Variants in ZC3H12D observed in about 807,000 individuals in gnomAD.
ZC3H12D encodes the protein zinc finger CCCH-type containing 12D.
A neutral mutation model predicts 24.2 loss-of-function variants in ZC3H12D; 11 were observed. The observed-to-expected ratio is 0.46, with a 90% CI of 0.29 to 0.75. The LOEUF is 0.75. Among genes scored for constraint, ZC3H12D ranks in the 30% least tolerant of loss-of-function variants. The probability of loss-of-function intolerance (pLI) is 0.11; values close to 1 mark genes in which losing one functional copy is unlikely to be tolerated. For missense variants in ZC3H12D, 740 were observed against 767.7 expected (o/e 0.96, Z 0.43); for synonymous variants, 333 against 341.8 (o/e 0.97, Z 0.28).
In ZC3H12D at chr6:149,450,692, GC is replaced by G; in HGVS notation, c.1574del (p.Gly525AlafsTer32). On this transcript the variant is annotated frameshift_variant, in exon 6 of 6. Coordinates refer to ENST00000409806, the MANE Select transcript of ZC3H12D (RefSeq NM_207360.3). LOFTEE classifies it high-confidence loss of function. ...AGTGCGTGTTGGTCCCTTAGGGCTT[GC>G]CCAGGGGCGCCCCCGCGCTCTGGCA... Reference protein sequence around the residue: ...QRCQSAGAPLGKP With the variant: ...QRCQSAGAPLXKP The G allele has an allele frequency of 6.5e-7, 1 of 1,530,542 alleles. No individual in the cohort carries two copies. The allele number at this position is 1,530,542 out of a possible 1,614,324, so 94.8% of individuals were successfully genotyped here. A position where few individuals can be genotyped will look rare whatever the true frequency, so the allele number is the denominator to read the frequency against.
At chr6:149,458,124 G>GTTTTTT (rs1562472740) in intron 3 of ZC3H12D, among the ~76,000 whole-genome samples, 19 of 37,514 alleles carry the variant, frequency 5.1e-4, no homozygotes, top group African/African-American at 9.4e-4. Context: ...TTTTTTTTTC[G>GTTTTTT]TTTCTTTTTT....
chr6:149,478,887 T>C (rs994180286), intron 1 of ZC3H12D, among the ~76,000 whole-genome samples: 2 of 152,156 alleles, frequency 1.3e-5, no homozygotes, highest in Non-Finnish European at 2.9e-5. Context: ...AGTCGGATCA[T>C]GTTCGCCACC....
chr6:149,453,435 G>A (rs1280203627), intron 4 of ZC3H12D, among the ~76,000 whole-genome samples: 5 of 152,070 alleles, frequency 3.3e-5, no homozygotes, highest in South Asian at 2.1e-4. Flanking sequence ...AACCAACCTG[G>A]GCAACACGGT....
intron 1 of ZC3H12D, among the ~76,000 whole-genome samples, chr6:149,484,606 G>C (rs1166006253): frequency 6.6e-6 from 1 of 152,182 alleles, no homozygotes; most frequent in African/African-American, 2.4e-5. Context: ...AAATTAAAGA[G>C]GGTTATCTTA....
chr6:149,461,953 G>C lies in ZC3H12D; in HGVS notation c.323C>G (p.Thr108Ser). ...NVAMSHGNKE[T>S]FSCRGIKLAV... The stretch of plus-strand genomic sequence containing the variant: ...CAGCTTGATTCCCCGGCAAGAGAAG[G>C]TTTCTTTATTTCCATGGCTACAATG... The change falls in exon 3 of 6, where the codon ACC becomes AGC. Residue 108 changes from threonine to serine, a missense_variant. Coordinates refer to ENST00000409806, the MANE Select transcript of ZC3H12D (RefSeq NM_207360.3). 1 of 1,611,850 alleles carries C rather than the reference G, an allele frequency of 6.2e-7. No homozygotes were observed. Among genetic ancestry groups the C allele is most frequent in the Non-Finnish European group, 8.5e-7 (1 of 1,179,120 alleles).
intron 4 of ZC3H12D, among the ~76,000 whole-genome samples, chr6:149,453,194 G>A (rs1345362219): frequency 2.0e-5 from 3 of 151,776 alleles, no homozygotes; most frequent in Non-Finnish European, 4.4e-5. Context: ...CCAGCTACTC[G>A]GGAGGCTGAG....
In ZC3H12D at chr6:149,450,616, C is replaced by T. The variant is rs1775872675; in HGVS notation, c.*67G>A. 1 of 1,423,968 alleles carries T rather than the reference C, an allele frequency of 7.0e-7. No individual in the cohort carries two copies. Among genetic ancestry groups the T allele is most frequent in the South Asian group, 1.4e-5 (1 of 69,360 alleles). The allele number at this position is 1,423,968 out of a possible 1,614,324, so 88.2% of individuals were successfully genotyped here. ...GGCCCACTCAGGTCCAGGCTGGCAA[C>T]CACAGGTCCACCCGTCCAAGACGCA... On this transcript the variant is annotated 3_prime_UTR_variant, in exon 6 of 6. Coordinates refer to ENST00000409806, the MANE Select transcript of ZC3H12D (RefSeq NM_207360.3).
rs903731939 is a variant in ZC3H12D at position 149,451,126 on chromosome 6, C to T, written c.1141G>A (p.Ala381Thr). Residue 381 changes from alanine to threonine, a missense_variant, in exon 6 of 6, where the codon GCG becomes ACG. Ala to Thr is a moderately conservative substitution (Grantham distance 58, BLOSUM62 0). Coordinates refer to ENST00000409806, the MANE Select transcript of ZC3H12D (RefSeq NM_207360.3). Reference protein sequence around the residue: ...PRLGGPDWVSAGGRVPGPLSL... With the variant: ...PRLGGPDWVSTGGRVPGPLSL... The stretch of plus-strand genomic sequence containing the variant: ...AGCGGGCCTGGCACCCGGCCGCCCG[C>T]GGACACCCAGTCGGGCCCGCCCAGT... 1.6e-5 allele frequency: 21 copies of T among 1,343,036 alleles called. No individual in the cohort carries two copies. In the African/African-American group the frequency reaches 2.6e-4, roughly 17 times the overall value. The allele number at this position is 1,343,036 out of a possible 1,614,324, so 83.2% of individuals were successfully genotyped here. A position where few individuals can be genotyped will look rare whatever the true frequency, so the allele number is the denominator to read the frequency against.
chr6:149,458,128 CTTTTTT>C (rs1189920889), intron 3 of ZC3H12D, among the ~76,000 whole-genome samples: 3 of 39,756 alleles, frequency 7.5e-5, no homozygotes, highest in African/African-American at 2.1e-4. Context: ...TTTTTCGTTT[CTTTTTT>C]TTTTTTTTTT....
rs532691675 is a variant in ZC3H12D at position 149,484,900 on chromosome 6, C to G, written c.-158G>C. 1.3e-5 allele frequency: 2 copies of G among 152,252 alleles called. No homozygotes were observed. The highest frequency in any genetic ancestry group is 2.4e-5 in the African/African-American group (1 of 41,452). The allele number at this position is 152,252 out of a possible 1,614,324, so 9.4% of individuals were successfully genotyped here. Reference sequence around the variant, plus strand: ...GCCAATGTTCTCCCGTCAGTGAGGCCAGGCCCCCAGGTGCCACTGGAGTCA... The same window carrying G: ...GCCAATGTTCTCCCGTCAGTGAGGCGAGGCCCCCAGGTGCCACTGGAGTCA... On this transcript the variant is annotated 5_prime_UTR_variant, in exon 1 of 6. Coordinates refer to ENST00000409806, the MANE Select transcript of ZC3H12D (RefSeq NM_207360.3).
intron 3 of ZC3H12D, among the ~76,000 whole-genome samples, chr6:149,460,763 GA>G (rs1776059346): frequency 6.6e-6 from 1 of 152,072 alleles, no homozygotes; most frequent in South Asian, 2.1e-4. Flanking sequence ...CTGAGAGGCA[GA>G]GGTTGCAGTG....
chr6:149,470,494 C>T (rs914188844), intron 2 of ZC3H12D, among the ~76,000 whole-genome samples: 1 of 151,376 alleles, frequency 6.6e-6, no homozygotes, highest in Non-Finnish European at 1.5e-5. Context: ...GAGATTGGAC[C>T]AATGCACTCT....
rs2115002901 is a variant in ZC3H12D, at chr6:149,456,610, ACCCCGGC to A, written c.680+49_680+55del. 6.2e-5 allele frequency: 65 copies of A among 1,048,922 alleles called. No homozygotes were observed. Among genetic ancestry groups the A allele is most frequent in the Non-Finnish European group, 8.0e-5 (56 of 700,304 alleles). 65.0% of individuals were successfully genotyped at this position (1,048,922 alleles called of 1,614,324 possible). A position where few individuals can be genotyped will look rare whatever the true frequency, so the allele number is the denominator to read the frequency against. ...GGTAGCAGGCGTGGCCACTGCCTCG[ACCCCGGC>A]CCCCCGCCCCGCCGCCCCCCAGGGT... On this transcript the variant is annotated intron_variant, in intron 4 of 5. Transcript: ENST00000409806. This position sits in a 1 kb window ranked among gnomAD's most constrained non-coding sequence, Gnocchi z 4.3.
Position 149,456,623 on chromosome 6 carries a change from G to GCCCCCCCCC in ZC3H12D, c.680+42_680+43insGGGGGGGGG. 191 of 744,406 alleles carry GCCCCCCCCC rather than the reference G, an allele frequency of 2.6e-4. No homozygotes were observed. The highest frequency in any genetic ancestry group is 3.9e-4 in the Non-Finnish European group (178 of 455,948). The allele number at this position is 744,406 out of a possible 1,614,324, so 46.1% of individuals were successfully genotyped here. A position where few individuals can be genotyped will look rare whatever the true frequency, so the allele number is the denominator to read the frequency against. ...GCCACTGCCTCGACCCCGGCCCCCC[G>GCCCCCCCCC]CCCCGCCGCCCCCCAGGGTGTCAGG... On this transcript the variant is annotated intron_variant, in intron 4 of 5. Coordinates refer to ENST00000409806, the MANE Select transcript of ZC3H12D (RefSeq NM_207360.3). The surrounding 1 kb of genome is among the most constrained non-coding windows in gnomAD (Gnocchi z 4.3).
At chr6:149,482,040 G>A (rs866129214) in intron 1 of ZC3H12D, among the ~76,000 whole-genome samples, 1 of 152,258 alleles carries the variant, frequency 6.6e-6, no homozygotes, top group Non-Finnish European at 1.5e-5. Context: ...GCCCAGGGCC[G>A]AAGTAAGGGG....
At chr6:149,459,472 G>T in intron 3 of ZC3H12D, 1 of 652,466 alleles carries the variant, frequency 1.5e-6, no homozygotes, top group Non-Finnish European at 2.8e-6. Context: ...TGTATTGATT[G>T]TGCAGCATGG....
intron 1 of ZC3H12D, among the ~76,000 whole-genome samples, chr6:149,480,871 G>C (rs1448342485): frequency 2.0e-5 from 3 of 148,804 alleles, no homozygotes; most frequent in Admixed American, 2.0e-4. Context: ...CAAGTGCGAA[G>C]AAGGGCCGTG....
In ZC3H12D at chr6:149,461,953, G is replaced by T. The variant is rs775411273; in HGVS notation, c.323C>A (p.Thr108Asn). 84 of 1,611,732 alleles carry T rather than the reference G, an allele frequency of 5.2e-5. No individual in the cohort carries two copies. Among genetic ancestry groups the T allele is most frequent in the Non-Finnish European group, 6.7e-5 (79 of 1,179,128 alleles). The change falls in exon 3 of 6, where the codon ACC (threonine) becomes AAC (asparagine). Residue 108 changes from threonine (T) to asparagine (N), a missense_variant. Thr to Asn is a moderately conservative substitution (Grantham distance 65). Transcript: ENST00000409806. ...CAGCTTGATTCCCCGGCAAGAGAAG[G>T]TTTCTTTATTTCCATGGCTACAATG... is the stretch of plus-strand genomic sequence containing the variant. ...NVAMSHGNKE[T>N]FSCRGIKLAV...
chr6:149,477,103 A>G (rs763988202), intron 1 of ZC3H12D, among the ~76,000 whole-genome samples: 10 of 152,252 alleles, frequency 6.6e-5, no homozygotes, highest in Admixed American at 2.0e-4. Context: ...TCATCTCAGT[A>G]TCACAGGCTC....
Sources: allele counts gnomAD v4.1 joint callset (sites outside exome capture counted in the v4.1 genomes callset), GRCh38; gene constraint gnomAD v4.1.1; non-coding constraint Gnocchi (gnomAD v3.1); transcripts MANE v1.5; gene names NCBI Gene and HGNC (gene_info 2026-07-23, HGNC 2026-07-21).